Variants in EML2 observed in about 807,000 individuals in gnomAD.
The protein encoded by EML2 is echinoderm microtubule-associated protein-like 2.
A neutral mutation model predicts 84.7 loss-of-function variants in EML2; 59 were observed. The ratio of observed to expected loss-of-function variants is 0.70; its 90% CI spans 0.56 to 0.86. The LOEUF is 0.86. Among genes scored for constraint, EML2 ranks in the 40% least tolerant of loss-of-function variants. The pLI is 0.00. For synonymous variants in EML2, 352 were observed against 348.9 expected (o/e 1.01, Z -0.10); for missense variants, 818 against 855.6 (o/e 0.96, Z 0.55).
rs1174275152 is a variant in EML2, at chr19:45,623,046, CAA to C, written c.842-1411_842-1410del. The stretch of plus-strand genomic sequence containing the variant: ...TGGGCGACAGAGCGAGACTCCGTCT[CAA>C]AAAAAAAAAAAAGAGAGAGAGCGCA... On this transcript the variant is annotated intron_variant, in intron 9 of 18. Coordinates refer to ENST00000245925, the MANE Select transcript of EML2 (RefSeq NM_012155.4). 5.5e-4 allele frequency among the ~76,000 whole-genome samples: 59 copies of C among 106,562 alleles called. 1 individual carries two copies. In the East Asian group the frequency reaches 0.012, roughly 21 times the overall value. The allele number at this position is 106,562 out of a possible 152,430, so 69.9% of individuals were successfully genotyped here.
chr19:45,616,307 G>A (rs1156259794), intron 15 of EML2, among the ~76,000 whole-genome samples, 154 bp downstream of exon 15: 2 of 152,164 alleles, frequency 1.3e-5, no homozygotes, highest in African/African-American at 4.8e-5. Context: ...AACACACGAG[G>A]TGGTGAATGT....
intron 7 of EML2, among the ~76,000 whole-genome samples, chr19:45,628,946 C>A (rs1972707825): frequency 6.6e-6 from 1 of 152,110 alleles, no homozygotes; most frequent in South Asian, 2.1e-4. Flanking sequence ...CTTCCCCTCA[C>A]CATGCCTCAT....
In EML2 at chr19:45,632,942, G is replaced by C. The variant is rs1314760042; in HGVS notation, c.429C>G (p.Asp143Glu). 1.9e-6 allele frequency: 3 copies of C among 1,614,222 alleles called. No homozygotes were observed. The highest frequency in any genetic ancestry group is 2.2e-5 in the South Asian group (2 of 91,076). Residue 143 changes from aspartate (D) to glutamate (E), a missense_variant, in exon 6 of 19, where the codon GAC becomes GAG. Coordinates refer to ENST00000245925, the MANE Select transcript of EML2 (RefSeq NM_012155.4). ...KPLPPHVRIW[D>E]SVSLSTLHVL... The stretch of plus-strand genomic sequence containing the variant: ...CGTGTAAGGTGGAGAGGGAAACTGA[G>C]TCCCAGATGCGCACGTGGGGCGGCA...
At chr19:45,619,588 G>C (rs535595194) in intron 11 of EML2, 1 of 157,962 alleles carries the variant, frequency 6.3e-6, no homozygotes, top group African/African-American at 2.4e-5. Context: ...AAGTCTGAGG[G>C]ACCTCATGGA....
chr19:45,626,559 A>G (rs1042488395), intron 8 of EML2, 146 bp downstream of exon 8: 3 of 912,148 alleles, frequency 3.3e-6, no homozygotes, highest in Non-Finnish European at 4.9e-6. Flanking sequence ...TGGTATGGAG[A>G]AAGAAACTGA....
At chr19:45,621,436 C>T (rs1555749999) in intron 10 of EML2, 47 bp downstream of exon 10, 38 of 1,583,994 alleles carry the variant, frequency 2.4e-5, no homozygotes, top group African/African-American at 4.0e-5. Flanking sequence ...CTGGTGAGAT[C>T]GGGGGGGGCC....
chr19:45,642,546 A>G (rs1974648547), upstream of EML2: 1 of 1,390,258 alleles, frequency 7.2e-7, no homozygotes, highest in Non-Finnish European at 9.3e-7. Context: ...CAGCTCTCCA[A>G]CCCATCCGCA....
At chr19:45,617,320 C>A (rs1971207547) in intron 13 of EML2, among the ~76,000 whole-genome samples, 1 of 151,908 alleles carries the variant, frequency 6.6e-6, no homozygotes, top group Non-Finnish European at 1.5e-5. Flanking sequence ...CTTTGAGAGG[C>A]TGAGGCAGGT....
At chr19:45,623,563 T>C in intron 9 of EML2, 1 of 151,858 alleles carries the variant, frequency 6.6e-6, no homozygotes, top group East Asian at 1.9e-4. Flanking sequence ...AAATTTTTTT[T>C]TTTTTGAGAC....
chr19:45,622,970 C>T lies in EML2; in HGVS notation c.842-1333G>A, dbSNP rs529303396. Among the ~76,000 whole-genome samples, 394 of 141,264 alleles carry T rather than the reference C, an allele frequency of 2.8e-3. 2 individuals are homozygous for T. The highest frequency in any genetic ancestry group is 4.4e-3 in the Non-Finnish European group (287 of 65,664). 92.7% of individuals were successfully genotyped at this position (141,264 alleles called of 152,430 possible). A position where few individuals can be genotyped will look rare whatever the true frequency, so the allele number is the denominator to read the frequency against. Reference sequence around the variant, plus strand: ...AGGCTGAGGCAAGAGAATGGTGAACCTGGGAGGTGGAACTTGCAGTGAGCT... The same window carrying T: ...AGGCTGAGGCAAGAGAATGGTGAACTTGGGAGGTGGAACTTGCAGTGAGCT... On this transcript the variant is annotated intron_variant, in intron 9 of 18. Coordinates refer to ENST00000245925, the MANE Select transcript of EML2 (RefSeq NM_012155.4).
upstream of EML2, chr19:45,645,285 G>T (rs772902964): frequency 9.1e-6 from 14 of 1,533,524 alleles, no homozygotes; most frequent in African/African-American, 1.8e-4. Context: ...TTGCAGTATC[G>T]CAGCAGCGAG....
chr19:45,621,751 T>A, intron 9 of EML2, 114 bp from the exon 10 acceptor site: 61 of 250,578 alleles, frequency 2.4e-4, no homozygotes, highest in Non-Finnish European at 3.6e-4. Context: ...CTTTTCCACC[T>A]TTTTTTTTTT....
upstream of EML2, chr19:45,645,498 G>A: frequency 7.2e-7 from 1 of 1,390,284 alleles, no homozygotes; most frequent in Non-Finnish European, 9.3e-7. Flanking sequence ...CGGCGCTGGG[G>A]TCATCCCCAG....
upstream of EML2, chr19:45,641,778 G>A: frequency 1.3e-6 from 2 of 1,533,100 alleles, no homozygotes; most frequent in Non-Finnish European, 1.7e-6. Context: ...TGGGGGCAGA[G>A]CCTTCTAGGC....
chr19:45,620,537 C>T (rs1228806156), intron 11 of EML2, among the ~76,000 whole-genome samples: 1 of 151,498 alleles, frequency 6.6e-6, no homozygotes, highest in African/African-American at 2.4e-5. Flanking sequence ...GGTGAAAACC[C>T]ATTTCTACTA....
At chr19:45,622,533 C>T (rs984243206) in intron 9 of EML2, among the ~76,000 whole-genome samples, 8 of 152,088 alleles carry the variant, frequency 5.3e-5, no homozygotes, top group South Asian at 2.1e-4. Flanking sequence ...TGGGTTTAAG[C>T]GATTCTCATG....
chr19:45,643,000 AAAAAAG>A (rs1974716513), upstream of EML2, among the ~76,000 whole-genome samples: 1 of 149,882 alleles, frequency 6.7e-6, no homozygotes, highest in Admixed American at 6.6e-5. Context: ...AAAAAAAAAG[AAAAAAG>A]AAAAAGAAAA....
At chr19:45,609,812 G>A (rs767129308) in intron 18 of EML2, 24 bp from the exon 19 acceptor site, 3 of 1,609,610 alleles carry the variant, frequency 1.9e-6, no homozygotes, top group South Asian at 1.1e-5. Flanking sequence ...AGAAGTAAGT[G>A]AAGAAATGTC....
At chr19:45,629,823 C>A (rs1972813165) in intron 7 of EML2, 128 bp downstream of exon 7, 2 of 728,898 alleles carry the variant, frequency 2.7e-6, no homozygotes, top group Middle Eastern at 2.4e-4. Context: ...TTGCTCAAGT[C>A]ACACAGCCAG....
Sources: gnomAD v4.1 joint callset for allele counts (sites outside exome capture counted in the v4.1 genomes callset) on GRCh38, gnomAD v4.1.1 for gene constraint, MANE v1.5 for transcripts, NCBI Gene and HGNC (gene_info 2026-07-23, HGNC 2026-07-21) for gene names.